The following GRIP1 variants were observed in gnomAD, a reference collection of about 807,000 sequenced individuals.
The protein encoded by GRIP1 is glutamate receptor-interacting protein 1.
GRIP1 carries 45 observed loss-of-function variants against 129.9 expected under a neutral mutation model. That is an observed-to-expected ratio of 0.35 (90% CI 0.27 to 0.44). The LOEUF (loss-of-function observed/expected upper bound fraction) is 0.44. GRIP1 is among the 20% of genes least tolerant of loss of function. The pLI is 1.00. For missense variants in GRIP1, 1,196 were observed against 1,396.8 expected, an observed-to-expected ratio of 0.86 and a Z score of 2.29; for synonymous variants, 530 against 520.8, an observed-to-expected ratio of 1.02 and a Z score of -0.24.
At chr12:66,557,467 T>C (rs1282433037) in intron 2 of GRIP1, among the ~76,000 whole-genome samples, 1 of 152,188 alleles carries the variant, frequency 6.6e-6, no homozygotes, top group African/African-American at 2.4e-5. Flanking sequence ...ACAGACCAAA[T>C]GAACCTAATT....
chr12:66,397,734 A>C (rs2056848056), intron 16 of GRIP1, among the ~76,000 whole-genome samples: 1 of 152,214 alleles, frequency 6.6e-6, no homozygotes, highest in Non-Finnish European at 1.5e-5. Context: ...GAATTTCTTC[A>C]TAACTCCACC....
intron 1 of GRIP1, among the ~76,000 whole-genome samples, chr12:66,600,749 G>C (rs1235183287): frequency 6.6e-6 from 1 of 152,132 alleles, no homozygotes; most frequent in East Asian, 1.9e-4. Context: ...AAAGAATTAT[G>C]ATTTTCATAG....
intron 7 of GRIP1, among the ~76,000 whole-genome samples, chr12:66,488,674 C>G (rs11176227): frequency 6.6e-6 from 1 of 151,244 alleles, no homozygotes; most frequent in Non-Finnish European, 1.5e-5. Context: ...AAAAAATCAA[C>G]GAATCTAGGA....
Position 66,463,111 on chromosome 12 carries a change from A to G in GRIP1, c.873-18T>C. 1 of 1,609,034 alleles carries G rather than the reference A, an allele frequency of 6.2e-7. No individual in the cohort carries two copies. Among genetic ancestry groups the G allele is most frequent in the Non-Finnish European group, 8.5e-7 (1 of 1,175,620 alleles). ...CGCCACATCTACGGAAAGGAGAAAT[A>G]CTCGGTAAGAGGCAGTGCCTTCCTC... is the stretch of plus-strand genomic sequence containing the variant. On this transcript the variant is annotated intron_variant, in intron 8 of 24. Coordinates refer to ENST00000359742, the MANE Select transcript of GRIP1 (RefSeq NM_001366722.1).
intron 1 of GRIP1, among the ~76,000 whole-genome samples, chr12:66,957,647 T>C (rs1208753468): frequency 6.6e-6 from 1 of 152,154 alleles, no homozygotes; most frequent in Non-Finnish European, 1.5e-5. Context: ...GATTAGACTA[T>C]GGTCATAGGT....
chr12:66,912,840 A>G (rs1018627429), intron 1 of GRIP1, among the ~76,000 whole-genome samples: 1 of 152,202 alleles, frequency 6.6e-6, no homozygotes, highest in African/African-American at 2.4e-5. Flanking sequence ...AACCTAAATT[A>G]ATAGAAAAGG....
intron 1 of GRIP1, among the ~76,000 whole-genome samples, chr12:66,914,774 G>A (rs1319196777): frequency 6.6e-6 from 1 of 152,122 alleles, no homozygotes; most frequent in Non-Finnish European, 1.5e-5. Flanking sequence ...ATGTACCCTG[G>A]CAGGAGAAAA....
chr12:66,512,345 T>C (rs535323620), intron 7 of GRIP1, among the ~76,000 whole-genome samples: 6 of 152,110 alleles, frequency 3.9e-5, no homozygotes, highest in Non-Finnish European at 2.9e-5. Flanking sequence ...GTGGGAAAGT[T>C]TGGAAATTCC....
intron 4 of GRIP1, 58 bp downstream of exon 4, chr12:66,539,020 C>T: frequency 7.0e-7 from 1 of 1,427,084 alleles, no homozygotes; most frequent in Non-Finnish European, 9.9e-7. Flanking sequence ...CAGTTTTAGG[C>T]ATCCACTGGG....
rs188690111 is a variant in GRIP1 at position 66,964,647 on chromosome 12, C to G, written c.58+104403G>C. Among the ~76,000 whole-genome samples, 7 of 152,264 alleles carry G rather than the reference C, an allele frequency of 4.6e-5. No individual in the cohort carries two copies. In the East Asian group the frequency reaches 1.4e-3, roughly 29 times the overall value. ...TCTTATTTTGCTCTCCATCATGAGG[C>G]TCCCAAAGCAACTAAACCTTCCCCA... On this transcript the variant is annotated intron_variant, in intron 1 of 1. Coordinates refer to the GRIP1 transcript ENST00000643019.
intron 7 of GRIP1, among the ~76,000 whole-genome samples, chr12:66,501,020 C>T (rs1480264859): frequency 6.6e-6 from 1 of 152,292 alleles, no homozygotes; most frequent in Middle Eastern, 3.4e-3. Context: ...AGTTTCAGGG[C>T]AGTTTCTATC....
chr12:66,401,609 T>TATATATACAC lies in GRIP1; in HGVS notation c.1984+4673_1984+4674insGTGTATATAT, dbSNP rs1169241331. ...AAAAAAATATGTGTGTATATATATA[T>TATATATACAC]ACACACACACACACACACACACACA... On this transcript the variant is annotated intron_variant, in intron 16 of 24. Coordinates refer to ENST00000359742, the MANE Select transcript of GRIP1 (RefSeq NM_001366722.1). Among the ~76,000 whole-genome samples, 74 of 110,182 alleles carry TATATATACAC rather than the reference T, an allele frequency of 6.7e-4. 2 individuals are homozygous for TATATATACAC. Among genetic ancestry groups the TATATATACAC allele is most frequent in the African/African-American group, 2.4e-3 (63 of 26,806 alleles). 72.3% of individuals were successfully genotyped at this position (110,182 alleles called of 152,430 possible).
intron 1 of GRIP1, among the ~76,000 whole-genome samples, chr12:66,772,642 G>C (rs2037854590): frequency 6.6e-6 from 1 of 152,180 alleles, no homozygotes; most frequent in African/African-American, 2.4e-5. Flanking sequence ...GGTTAGAGGG[G>C]CACCTGATTT....
At chr12:66,600,293 TTTTCC>T (rs1225083617) in intron 1 of GRIP1, among the ~76,000 whole-genome samples, 1 of 152,190 alleles carries the variant, frequency 6.6e-6, no homozygotes, top group East Asian at 1.9e-4. Context: ...ATGTTAATAA[TTTTCC>T]TTTGTTTCAT....
rs764466202 is a variant in GRIP1, at chr12:66,406,272, G to A, written c.1984+11C>T. ...CGAAAAATCAGTTTTAACTAAGGAT[G>A]CTCTCAATACCTGAATTATCTTCAT... On this transcript the variant is annotated intron_variant, in intron 16 of 24. Coordinates refer to ENST00000359742, the MANE Select transcript of GRIP1 (RefSeq NM_001366722.1). 1.2e-6 allele frequency: 2 copies of A among 1,613,654 alleles called. No homozygotes were observed. Among genetic ancestry groups the A allele is most frequent in the South Asian group, 2.2e-5 (2 of 91,072 alleles).
rs189416340 is a variant in GRIP1 at position 66,568,221 on chromosome 12, A to C, written c.137-26271T>G. On this transcript the variant is annotated intron_variant, in intron 2 of 24. Coordinates refer to ENST00000359742, the MANE Select transcript of GRIP1 (RefSeq NM_001366722.1). ...CATTGACACTGAAAGATCTTGCTAA[A>C]ATGACTTTTTGACAATTGATTCTTT... is the stretch of plus-strand genomic sequence containing the variant. The C allele has an allele frequency of 1.3e-3, 253 of 187,450 alleles. 4 individuals are homozygous for C. The highest frequency in any genetic ancestry group is 0.011 in the Admixed American group (187 of 17,716). The allele number at this position is 187,450 out of a possible 1,614,324, so 11.6% of individuals were successfully genotyped here.
intron 1 of GRIP1, among the ~76,000 whole-genome samples, chr12:66,673,261 T>G (rs866170774): frequency 1.3e-5 from 2 of 152,344 alleles, no homozygotes; most frequent in Middle Eastern, 6.8e-3. Context: ...AGTTAGTACA[T>G]GTAAAATGTT....
At chr12:66,560,634 A>G (rs1379941198) in intron 2 of GRIP1, among the ~76,000 whole-genome samples, 1 of 152,096 alleles carries the variant, frequency 6.6e-6, no homozygotes, top group Non-Finnish European at 1.5e-5. Context: ...TAAATATAAT[A>G]ACATCTCACC....
chr12:66,848,773 T>C (rs556427281), intron 1 of GRIP1, among the ~76,000 whole-genome samples: 1 of 152,230 alleles, frequency 6.6e-6, no homozygotes, highest in Non-Finnish European at 1.5e-5. Context: ...AATGAAAAAA[T>C]AAGAAAACTG....
Sources: allele counts gnomAD v4.1 joint callset (sites outside exome capture counted in the v4.1 genomes callset), GRCh38; gene constraint gnomAD v4.1.1; transcripts MANE v1.5; gene names NCBI Gene and HGNC (gene_info 2026-07-23, HGNC 2026-07-21).